Variants in EPS15 observed in about 807,000 individuals in gnomAD.
EPS15 encodes the protein epidermal growth factor receptor pathway substrate 15.
In EPS15, 72 loss-of-function variants were observed where a neutral mutation model predicts 113.8. The observed-to-expected ratio is 0.63, with a 90% CI of 0.52 to 0.77. The LOEUF (loss-of-function observed/expected upper bound fraction) is 0.77, where lower values mean the gene tolerates loss of function less well. Ranked by LOEUF, EPS15 falls within the 30% of genes least tolerant of loss-of-function variation. EPS15 has a pLI of 0.00. For missense variants in EPS15, 1,048 were observed against 1,045.8 expected, an observed-to-expected ratio of 1.00 and a Z score of -0.03; for synonymous variants, 344 against 363.4, an observed-to-expected ratio of 0.95 and a Z score of 0.61.
intron 6 of EPS15, among the ~76,000 whole-genome samples, chr1:51,464,111 G>A (rs1174842815): frequency 6.6e-6 from 1 of 152,030 alleles, no homozygotes; most frequent in East Asian, 1.9e-4. Context: ...GGGCTTTGAA[G>A]AACATCTAGT....
intron 21 of EPS15, among the ~76,000 whole-genome samples, chr1:51,385,893 GTTAT>G (rs1647055350): frequency 6.6e-6 from 1 of 152,062 alleles, no homozygotes; most frequent in Non-Finnish European, 1.5e-5. Context: ...AGGATAGGGA[GTTAT>G]TATTTAATGG....
intron 19 of EPS15, among the ~76,000 whole-genome samples, chr1:51,400,527 T>G (rs746489973): frequency 1.1e-4 from 17 of 151,156 alleles, no homozygotes; most frequent in Non-Finnish European, 2.2e-4. Context: ...AGACCCTGTC[T>G]CTACAAAAAA....
intron 12 of EPS15, among the ~76,000 whole-genome samples, chr1:51,429,339 CTCTG>C (rs1217990255): frequency 2.7e-5 from 4 of 150,648 alleles, no homozygotes; most frequent in East Asian, 3.9e-4. Context: ...AAGAGTGAAA[CTCTG>C]TCTCAAAAAA....
chr1:51,500,938 C>T (rs1366635328), intron 1 of EPS15, among the ~76,000 whole-genome samples: 7 of 142,598 alleles, frequency 4.9e-5, no homozygotes, highest in South Asian at 4.5e-4. Context: ...GAGCCAAGAT[C>T]GAGCCACTGC....
At chr1:51,481,412 T>A (rs1644018230) in intron 1 of EPS15, 98 bp from the exon 2 acceptor site, 1 of 685,252 alleles carries the variant, frequency 1.5e-6, no homozygotes, top group East Asian at 2.8e-5. Context: ...CAAAGATGAA[T>A]AAGATAAAAT....
chr1:51,467,797 TA>T (rs1271793829), intron 5 of EPS15, among the ~76,000 whole-genome samples: 5 of 152,120 alleles, frequency 3.3e-5, no homozygotes, highest in African/African-American at 1.2e-4. Flanking sequence ...TATAAGAATC[TA>T]ATGCCTGATG....
At chr1:51,429,494 A>C (rs1218297792) in intron 12 of EPS15, among the ~76,000 whole-genome samples, 1 of 152,146 alleles carries the variant, frequency 6.6e-6, no homozygotes, top group Non-Finnish European at 1.5e-5. Context: ...TAATGAAAAA[A>C]AAGTAGAGAG....
intron 23 of EPS15, among the ~76,000 whole-genome samples, chr1:51,363,297 CA>C (rs34317809): frequency 0.12 from 9,353 of 76,678 alleles, 229 homozygotes; most frequent in Non-Finnish European, 0.14. Flanking sequence ...GATTCCATCT[CA>C]AAAAAAAAAA....
intron 13 of EPS15, among the ~76,000 whole-genome samples, chr1:51,420,339 T>C (rs1453714875): frequency 6.6e-6 from 1 of 152,016 alleles, no homozygotes; most frequent in Admixed American, 6.6e-5. Context: ...TAAATTCACA[T>C]CCTCAAAAAA....
intron 1 of EPS15, among the ~76,000 whole-genome samples, chr1:51,493,821 G>A (rs779066832): frequency 3.3e-5 from 5 of 151,758 alleles, no homozygotes; most frequent in Non-Finnish European, 5.9e-5. Flanking sequence ...TACTATGTTG[G>A]CCAGGCTGGT....
Position 51,371,081 on chromosome 1 carries a change from AT to A in EPS15, c.2120-5053del, listed in dbSNP as rs895443279. ...AGGTGTATGCCACCACACCCAGCTA[AT>A]TTTTTTTGTATTTTTTAGTAGAGAT... On this transcript the variant is annotated intron_variant, in intron 21 of 24. Transcript: ENST00000371733. 2.2e-4 allele frequency among the ~76,000 whole-genome samples: 33 copies of A among 146,890 alleles called. No individual in the cohort carries two copies. The East Asian group carries it at 6.4e-3, about 28-fold the overall frequency.
At chr1:51,375,956 C>T (rs898661201) in intron 21 of EPS15, among the ~76,000 whole-genome samples, 2 of 152,178 alleles carry the variant, frequency 1.3e-5, no homozygotes, top group Non-Finnish European at 2.9e-5. Flanking sequence ...ACAAACTTAG[C>T]AAGTACTGAT....
intron 19 of EPS15, 79 bp downstream of exon 19, chr1:51,400,839 G>T: frequency 2.3e-6 from 2 of 872,510 alleles, no homozygotes; most frequent in Non-Finnish European, 3.4e-6. Context: ...TGGGGCTTCA[G>T]TTTCAGACCT....
At chr1:51,381,731 T>A (rs1049739922) in intron 21 of EPS15, among the ~76,000 whole-genome samples, 1 of 151,104 alleles carries the variant, frequency 6.6e-6, no homozygotes, top group South Asian at 2.1e-4. Flanking sequence ...CAAAGAAAAA[T>A]CACAAAGAAA....
chr1:51,369,614 C>T (rs1646598261), intron 21 of EPS15, among the ~76,000 whole-genome samples: 1 of 152,196 alleles, frequency 6.6e-6, no homozygotes. Context: ...CAGCATACTT[C>T]TTTAACAGCC....
intron 12 of EPS15, among the ~76,000 whole-genome samples, chr1:51,439,013 C>A (rs572615384): frequency 1.3e-5 from 2 of 152,178 alleles, no homozygotes; most frequent in African/African-American, 4.8e-5. Flanking sequence ...AATTTCAGGT[C>A]TTTTCCAGGA....
chr1:51,471,163 C>G (rs1423436059), intron 4 of EPS15, among the ~76,000 whole-genome samples: 1 of 152,144 alleles, frequency 6.6e-6, no homozygotes, highest in African/African-American at 2.4e-5. Context: ...CTCTGAAATC[C>G]ATCCCCAACA....
rs983615788 is a variant in EPS15, at chr1:51,356,025, A to G, written c.*675T>C. The stretch of plus-strand genomic sequence containing the variant: ...TATCTGTTGATCTAAAATTCTCTAA[A>G]TCCAGATAAATCTTTTTAAAAATTT... On this transcript the variant is annotated 3_prime_UTR_variant, in exon 25 of 25. Transcript: ENST00000371733. 1 of 196,026 alleles carries G rather than the reference A, an allele frequency of 5.1e-6. No homozygotes were observed. The allele number at this position is 196,026 out of a possible 1,614,324, so 12.1% of individuals were successfully genotyped here. A position where few individuals can be genotyped will look rare whatever the true frequency, so the allele number is the denominator to read the frequency against.
At chr1:51,516,281 A>C (rs527931180) in intron 1 of EPS15, among the ~76,000 whole-genome samples, 4 of 152,346 alleles carry the variant, frequency 2.6e-5, no homozygotes, top group African/African-American at 9.6e-5. Context: ...AGCAGAAATA[A>C]GTTCCAGGTT....
Sources: gnomAD v4.1 joint callset for allele counts (sites outside exome capture counted in the v4.1 genomes callset) on GRCh38, gnomAD v4.1.1 for gene constraint, MANE v1.5 for transcripts, NCBI Gene and HGNC (gene_info 2026-07-23, HGNC 2026-07-21) for gene names.